The following CACNA2D3 variants were observed in gnomAD, a reference collection of about 807,000 sequenced individuals.
The protein encoded by CACNA2D3 is voltage-dependent calcium channel subunit alpha-2/delta-3.
In CACNA2D3, 60 loss-of-function variants were observed where a neutral mutation model predicts 160.6. The ratio of observed to expected loss-of-function variants is 0.37; its 90% CI spans 0.30 to 0.46. The LOEUF (loss-of-function observed/expected upper bound fraction) is 0.46, where lower values mean the gene tolerates loss of function less well. Ranked by LOEUF, CACNA2D3 falls within the 20% of genes least tolerant of loss-of-function variation. CACNA2D3 has a pLI of 1.00. For missense variants in CACNA2D3, 1,205 were observed against 1,365.0 expected, an observed-to-expected ratio of 0.88 and a Z score of 1.85; for synonymous variants, 558 against 492.9, an observed-to-expected ratio of 1.13 and a Z score of -1.75.
At chr3:54,679,296 T>A (rs543600622) in intron 11 of CACNA2D3, among the ~76,000 whole-genome samples, 44 of 152,326 alleles carry the variant, frequency 2.9e-4, no homozygotes, top group African/African-American at 9.6e-4. Context: ...CTAGGCATTT[T>A]CTTGGGTATT....
At chr3:54,411,776 GC>G (rs1191221713) in intron 4 of CACNA2D3, among the ~76,000 whole-genome samples, 1 of 152,120 alleles carries the variant, frequency 6.6e-6, no homozygotes, top group African/African-American at 2.4e-5. Context: ...CAGACGTCAT[GC>G]TAAACAAAGG....
intron 4 of CACNA2D3, among the ~76,000 whole-genome samples, chr3:54,403,244 A>C (rs1288231797): frequency 1.3e-5 from 2 of 151,990 alleles, no homozygotes; most frequent in Admixed American, 6.6e-5. Flanking sequence ...AGTTTCAGCT[A>C]TTCAGGAGGC....
At chr3:54,305,712 C>G (rs1433816209) in intron 2 of CACNA2D3, among the ~76,000 whole-genome samples, 1 of 152,192 alleles carries the variant, frequency 6.6e-6, no homozygotes, top group Non-Finnish European at 1.5e-5. Context: ...GGTGCTGAAC[C>G]TGTATCTACA....
intron 11 of CACNA2D3, among the ~76,000 whole-genome samples, chr3:54,716,026 T>C (rs1428084353): frequency 6.6e-6 from 1 of 151,530 alleles, no homozygotes; most frequent in African/African-American, 2.4e-5. Flanking sequence ...GTAATAATCA[T>C]TACAACATGT....
intron 27 of CACNA2D3, among the ~76,000 whole-genome samples, chr3:54,911,854 G>T (rs1002400803): frequency 5.9e-5 from 9 of 152,246 alleles, no homozygotes; most frequent in African/African-American, 2.2e-4. Flanking sequence ...AGAGGTCCAG[G>T]TATTAGTTAT....
intron 12 of CACNA2D3, among the ~76,000 whole-genome samples, chr3:54,763,802 CATATATATACATATATATATACGTAT>C (rs1333623078): frequency 0.012 from 163 of 13,312 alleles, 42 homozygotes; most frequent in African/African-American, 0.037. Flanking sequence ...TATATATGTA[CATATATATACATATATATATACGTAT>C]ATATATGTAT....
intron 14 of CACNA2D3, among the ~76,000 whole-genome samples, chr3:54,834,210 G>C (rs965358433): frequency 2.0e-5 from 3 of 152,144 alleles, no homozygotes; most frequent in African/African-American, 7.2e-5. Flanking sequence ...CAGGAAAAAG[G>C]CTTCATTTCT....
intron 14 of CACNA2D3, among the ~76,000 whole-genome samples, chr3:54,822,071 T>C (rs1703615849): frequency 1.3e-5 from 2 of 152,226 alleles, no homozygotes; most frequent in South Asian, 4.1e-4. Flanking sequence ...CATTTGCTTT[T>C]ACCTGTACTT....
chr3:55,063,990 C>G (rs1416886069), intron 35 of CACNA2D3, among the ~76,000 whole-genome samples: 5 of 152,242 alleles, frequency 3.3e-5, no homozygotes, highest in Admixed American at 2.6e-4. Flanking sequence ...TCTGTGGTCT[C>G]TCTTGACTGT....
At chr3:54,503,004 G>A (rs1355785216) in intron 4 of CACNA2D3, among the ~76,000 whole-genome samples, 5 of 152,200 alleles carry the variant, frequency 3.3e-5, no homozygotes, top group South Asian at 4.1e-4. Context: ...TGTTGCCATC[G>A]CAGTGAGACC....
At chr3:54,509,170 T>G (rs980688086) in intron 5 of CACNA2D3, among the ~76,000 whole-genome samples, 1 of 152,204 alleles carries the variant, frequency 6.6e-6, no homozygotes, top group Non-Finnish European at 1.5e-5. Flanking sequence ...TACACGGAAA[T>G]CATTAAAATA....
intron 4 of CACNA2D3, among the ~76,000 whole-genome samples, chr3:54,472,956 C>G (rs545945922): frequency 6.6e-6 from 1 of 152,168 alleles, no homozygotes; most frequent in African/African-American, 2.4e-5. Flanking sequence ...GGCCATAATG[C>G]CCAAAGTAAT....
chr3:55,034,486 G>T (rs1194208244), intron 35 of CACNA2D3, among the ~76,000 whole-genome samples: 3 of 151,836 alleles, frequency 2.0e-5, no homozygotes, highest in Non-Finnish European at 2.9e-5. Flanking sequence ...CCTATATATT[G>T]CATTAAAAGC....
At chr3:54,292,094 G>T (rs1703221486) in intron 2 of CACNA2D3, among the ~76,000 whole-genome samples, 1 of 152,114 alleles carries the variant, frequency 6.6e-6, no homozygotes, top group Non-Finnish European at 1.5e-5. Flanking sequence ...AACAAATGGT[G>T]TGGGGACAAC....
At chr3:54,840,696 ACTGCACC>A (rs1405390565) in intron 16 of CACNA2D3, among the ~76,000 whole-genome samples, 1 of 145,666 alleles carries the variant, frequency 6.9e-6, no homozygotes, top group African/African-American at 2.6e-5. Flanking sequence ...GGCGTGAGCC[ACTGCACC>A]CTGCCAAGAG....
chr3:54,599,561 T>A (rs915464556), intron 9 of CACNA2D3, among the ~76,000 whole-genome samples: 4 of 152,162 alleles, frequency 2.6e-5, no homozygotes, highest in East Asian at 3.9e-4. Flanking sequence ...TTCTGTTTTT[T>A]CTTCCCGGTG....
chr3:54,429,226 T>TA (rs1206937567), intron 4 of CACNA2D3, among the ~76,000 whole-genome samples: 1 of 151,976 alleles, frequency 6.6e-6, no homozygotes, highest in Non-Finnish European at 1.5e-5. Context: ...TCCTCAAATT[T>TA]AAAAAAGGAA....
intron 21 of CACNA2D3, among the ~76,000 whole-genome samples, chr3:54,884,447 G>T (rs9818177): frequency 0.031 from 4,758 of 152,318 alleles, 254 homozygotes; most frequent in African/African-American, 0.11. Context: ...TTGTGTTTGA[G>T]ATGGAAACTG....
At chr3:54,430,602 T>A (rs1177009210) in intron 4 of CACNA2D3, among the ~76,000 whole-genome samples, 1 of 152,210 alleles carries the variant, frequency 6.6e-6, no homozygotes, top group Non-Finnish European at 1.5e-5. Context: ...TTTTGGGTAT[T>A]CTGGATCCTT....
Sources: allele counts gnomAD v4.1 joint callset (sites outside exome capture counted in the v4.1 genomes callset), GRCh38; gene constraint gnomAD v4.1.1; transcripts MANE v1.5; gene names NCBI Gene and HGNC (gene_info 2026-07-23, HGNC 2026-07-21).